The following TXLNB variants were observed in gnomAD, a reference collection of about 807,000 sequenced individuals.
TXLNB encodes the protein beta-taxilin.
TXLNB carries 37 observed loss-of-function variants against 57.4 expected under a neutral mutation model. The observed-to-expected ratio is 0.64, with a 90% CI of 0.50 to 0.85. The LOEUF (loss-of-function observed/expected upper bound fraction) is 0.85. TXLNB is among the 40% of genes least tolerant of loss of function. The probability of loss-of-function intolerance (pLI) is 0.00; values close to 1 mark genes in which losing one functional copy is unlikely to be tolerated. For synonymous variants in TXLNB, 302 were observed against 309.6 expected, an observed-to-expected ratio of 0.98 and a Z score of 0.26; for missense variants, 848 against 825.6, an observed-to-expected ratio of 1.03 and a Z score of -0.33.
chr6:139,288,413 A>C, intron 2 of TXLNB, 63 bp downstream of exon 2: 1 of 1,470,136 alleles, frequency 6.8e-7, no homozygotes, highest in Admixed American at 1.9e-5. Context: ...GAAGTTTGGA[A>C]GAAGTGCCCC....
At chr6:139,233,361 T>A in the TXLNB span, among the ~76,000 whole-genome samples, 1 of 3,514 alleles carries the variant, frequency 2.8e-4, no homozygotes, top group Admixed American at 2.7e-3. Flanking sequence ...AAATATATAT[T>A]TTTATATAAA....
the TXLNB span, among the ~76,000 whole-genome samples, chr6:139,225,639 A>G: frequency 6.6e-6 from 1 of 152,242 alleles, no homozygotes; most frequent in African/African-American, 2.4e-5. Flanking sequence ...AGACACCAAG[A>G]AAATATACAA....
chr6:139,232,718 C>T, the TXLNB span, among the ~76,000 whole-genome samples: 1 of 152,152 alleles, frequency 6.6e-6, no homozygotes, highest in Non-Finnish European at 1.5e-5. Context: ...TTGAAATGCT[C>T]GAATTTGTTT....
intron 3 of TXLNB, among the ~76,000 whole-genome samples, chr6:139,275,653 G>A (rs1162610960): frequency 6.6e-6 from 1 of 152,142 alleles, no homozygotes; most frequent in Non-Finnish European, 1.5e-5. Flanking sequence ...GGACACATTA[G>A]GTAGAAGAAC....
chr6:139,226,492 A>T, the TXLNB span, among the ~76,000 whole-genome samples: 1 of 152,252 alleles, frequency 6.6e-6, no homozygotes, highest in Non-Finnish European at 1.5e-5. Context: ...ATCAAAGTAT[A>T]TTAAGAGAAT....
At chr6:139,237,747 G>A (rs747054357), downstream of TXLNB, among the ~76,000 whole-genome samples, 6 of 151,660 alleles carry the variant, frequency 4.0e-5, no homozygotes, top group Non-Finnish European at 8.8e-5. Context: ...TTTACACGTC[G>A]GTATGTTTTA....
In TXLNB at chr6:139,242,724, G is replaced by A. The variant is rs762569485; in HGVS notation, c.1857C>T (p.Thr619=). 9 of 1,613,088 alleles carry A rather than the reference G, an allele frequency of 5.6e-6. No individual in the cohort carries two copies. Among genetic ancestry groups the A allele is most frequent in the South Asian group, 1.1e-5 (1 of 91,074 alleles). The change falls in exon 10 of 10, where the codon ACC becomes ACT. Residue 619 remains threonine (T), a synonymous_variant. Coordinates refer to ENST00000358430, the MANE Select transcript of TXLNB (RefSeq NM_153235.4). Reference sequence around the variant, plus strand: ...CCTCCATCTTCTGTAGGGAGGCCTCGGTGGGAGCCTGTGGGGCCTGACCGG... The same window carrying A: ...CCTCCATCTTCTGTAGGGAGGCCTCAGTGGGAGCCTGTGGGGCCTGACCGG... ...EASGQAPQAP[T]EASLQKMEAD...
the TXLNB span, among the ~76,000 whole-genome samples, chr6:139,315,222 C>T: frequency 2.0e-5 from 3 of 152,142 alleles, no homozygotes; most frequent in Admixed American, 6.6e-5. Flanking sequence ...AATCCATACT[C>T]CCCACTTCCT....
At chr6:139,321,790 C>T in the TXLNB span, among the ~76,000 whole-genome samples, 1 of 151,686 alleles carries the variant, frequency 6.6e-6, no homozygotes, top group Non-Finnish European at 1.5e-5. Flanking sequence ...CACCACCACG[C>T]CTGGCTAATT....
chr6:139,312,783 A>G, the TXLNB span, among the ~76,000 whole-genome samples: 5 of 152,202 alleles, frequency 3.3e-5, no homozygotes, highest in African/African-American at 9.6e-5. Context: ...TATAAAGGAA[A>G]TATCCATGTG....
chr6:139,226,016 AG>A, the TXLNB span, among the ~76,000 whole-genome samples: 1 of 152,124 alleles, frequency 6.6e-6, no homozygotes, highest in African/African-American at 2.4e-5. Flanking sequence ...AGACACACAT[AG>A]GTCAGGTGCG....
the TXLNB span, among the ~76,000 whole-genome samples, chr6:139,167,552 G>A: frequency 6.6e-5 from 10 of 152,162 alleles, no homozygotes; most frequent in African/African-American, 1.9e-4. Context: ...TGTGTGTTCT[G>A]TAATTTGAAG....
chr6:139,282,053 T>G (rs150432771), intron 2 of TXLNB, among the ~76,000 whole-genome samples: 9,955 of 150,826 alleles, frequency 0.066, 1,052 homozygotes, highest in African/African-American at 0.23. Context: ...CTGGTCTAGG[T>G]TCTAGCTTCT....
the TXLNB span, among the ~76,000 whole-genome samples, chr6:139,317,337 A>G: frequency 6.6e-6 from 1 of 152,240 alleles, no homozygotes; most frequent in African/African-American, 2.4e-5. Context: ...ACAGGAAAAA[A>G]AATGGGCAAA....
At chr6:139,255,499 G>T in intron 7 of TXLNB, 65 bp downstream of exon 7, 2 of 1,412,330 alleles carry the variant, frequency 1.4e-6, no homozygotes, top group Non-Finnish European at 2.0e-6. Flanking sequence ...CCCACCTTTG[G>T]CCCCAGCCTT....
the TXLNB span, among the ~76,000 whole-genome samples, chr6:139,195,295 A>G: frequency 6.6e-6 from 1 of 152,264 alleles, no homozygotes; most frequent in East Asian, 1.9e-4. Context: ...AACGTTTATT[A>G]TCATTCCTTT....
the TXLNB span, among the ~76,000 whole-genome samples, chr6:139,309,831 C>A: frequency 6.6e-6 from 1 of 152,026 alleles, no homozygotes; most frequent in African/African-American, 2.4e-5. Flanking sequence ...ATCAAACATA[C>A]ATGGACAACA....
At chr6:139,297,453 A>G in the TXLNB span, among the ~76,000 whole-genome samples, 1 of 152,222 alleles carries the variant, frequency 6.6e-6, no homozygotes. Flanking sequence ...GGTAAACTAA[A>G]TGATTCACTT....
chr6:139,163,007 C>T, the TXLNB span, among the ~76,000 whole-genome samples: 1 of 152,230 alleles, frequency 6.6e-6, no homozygotes. Context: ...TGCCTTTTCA[C>T]CTCACTGTCT....
Sources: gnomAD v4.1 joint callset for allele counts (sites outside exome capture counted in the v4.1 genomes callset) on GRCh38, gnomAD v4.1.1 for gene constraint, MANE v1.5 for transcripts, NCBI Gene and HGNC (gene_info 2026-07-23, HGNC 2026-07-21) for gene names.